Variants in KIAA1217 observed in about 807,000 individuals in gnomAD.
KIAA1217 encodes sickle tail protein homolog.
Under a neutral mutation model 163.9 loss-of-function variants are expected in KIAA1217, and 88 were observed. That is an observed-to-expected ratio of 0.54 (90% CI 0.45 to 0.64). The LOEUF is 0.64. Among genes scored for constraint, KIAA1217 ranks in the 30% least tolerant of loss-of-function variants. KIAA1217 has a pLI of 0.00. For missense variants in KIAA1217, 2,372 were observed against 2,475.0 expected (o/e 0.96, Z 0.88); for synonymous variants, 903 against 923.1 (o/e 0.98, Z 0.39).
In KIAA1217 at chr10:24,414,144, A is replaced by G. The variant is rs115545911; in HGVS notation, c.554-18851A>G. ...CATCAACAGTTCTCTATTCCTAAAG[A>G]ATTTATTTAAGGATCAAGATAATAG... On this transcript the variant is annotated intron_variant, in intron 3 of 20. Transcript: ENST00000376454. 6.4e-3 allele frequency among the ~76,000 whole-genome samples: 978 copies of G among 152,288 alleles called. 10 individuals carry two copies. Among genetic ancestry groups the G allele is most frequent in the African/African-American group, 0.022 (927 of 41,548 alleles).
intron 1 of KIAA1217, among the ~76,000 whole-genome samples, chr10:23,933,426 C>A (rs186033051): frequency 2.0e-4 from 30 of 152,274 alleles, no homozygotes; most frequent in Middle Eastern, 3.4e-3. Flanking sequence ...CCTCTCCAAG[C>A]CTTTATTTCT....
At chr10:24,417,198 A>G (rs1302946139) in intron 3 of KIAA1217, among the ~76,000 whole-genome samples, 1 of 152,096 alleles carries the variant, frequency 6.6e-6, no homozygotes, top group Non-Finnish European at 1.5e-5. Context: ...CCTCTGGGGA[A>G]AAAAATCTGA....
intron 2 of KIAA1217, among the ~76,000 whole-genome samples, chr10:24,321,058 A>T (rs1012772957): frequency 8.9e-6 from 1 of 111,758 alleles, no homozygotes; most frequent in African/African-American, 2.7e-5. Context: ...AAAAAAAAAC[A>T]AAAAAAATGC....
At chr10:23,948,678 G>A (rs546353556) in intron 1 of KIAA1217, among the ~76,000 whole-genome samples, 1 of 152,050 alleles carries the variant, frequency 6.6e-6, no homozygotes, top group Non-Finnish European at 1.5e-5. Flanking sequence ...GTTTGGTTTT[G>A]GTTTTTGCTT....
chr10:23,881,511 C>T (rs1255478731), intron 1 of KIAA1217, among the ~76,000 whole-genome samples: 1 of 151,928 alleles, frequency 6.6e-6, no homozygotes, highest in African/African-American at 2.4e-5. Flanking sequence ...TTTTGTAAAT[C>T]ACTTTAATTG....
At position 23,924,625 on chromosome 10, in the gene KIAA1217, G is replaced by A. The variant is rs566856448; in HGVS notation, c.-320-82600G>A. On this transcript the variant is annotated intron_variant, in intron 1 of 18. Coordinates refer to the KIAA1217 transcript ENST00000376462. ...CAAAGTCAGACAGTAGGACCATAGC[G>A]AGCTGGGACCACACCTTGCTTCCTG... Among the ~76,000 whole-genome samples, 11 of 152,260 alleles carry A rather than the reference G, an allele frequency of 7.2e-5. No homozygotes were observed. In the East Asian group the frequency reaches 2.1e-3, roughly 29 times the overall value.
intron 2 of KIAA1217, chr10:24,158,689 C>T (rs2064988044): frequency 3.9e-6 from 2 of 508,532 alleles, no homozygotes; most frequent in Admixed American, 2.3e-5. Context: ...TGCCATGAGA[C>T]CTCTTGCTAC....
At position 24,473,161 on chromosome 10, in the gene KIAA1217, C is replaced by T. The variant is rs112057849; in HGVS notation, c.847-67C>T. On this transcript the variant is annotated intron_variant, in intron 5 of 20. Coordinates refer to ENST00000376454, the MANE Select transcript of KIAA1217 (RefSeq NM_019590.5). ...TCTTGCAGGGGAAGTCACACGGTTACACACTGAGACTTCTCTTGAAACACG... is the reference window on the plus strand; with the variant it reads ...TCTTGCAGGGGAAGTCACACGGTTATACACTGAGACTTCTCTTGAAACACG... The T allele has an allele frequency of 1.4e-3, 1,512 of 1,110,548 alleles. 19 individuals are homozygous for T. The African/African-American group carries it at 0.021, about 15-fold the overall frequency. 68.8% of individuals were successfully genotyped at this position (1,110,548 alleles called of 1,614,324 possible).
chr10:24,225,036 A>G (rs557990738), intron 2 of KIAA1217, among the ~76,000 whole-genome samples: 6 of 152,124 alleles, frequency 3.9e-5, no homozygotes, highest in African/African-American at 1.2e-4. Flanking sequence ...TGTGTTAGCC[A>G]GGATGGTCTC....
intron 1 of KIAA1217, among the ~76,000 whole-genome samples, chr10:23,957,237 GC>G (rs940817990): frequency 6.6e-6 from 1 of 152,126 alleles, no homozygotes; most frequent in South Asian, 2.1e-4. Flanking sequence ...CCCCACATAT[GC>G]CCCTTCTGGC....
chr10:23,883,308 T>A (rs963475760), intron 1 of KIAA1217, among the ~76,000 whole-genome samples: 8 of 151,920 alleles, frequency 5.3e-5, no homozygotes, highest in African/African-American at 1.9e-4. Context: ...TCTCTCAGAT[T>A]CTAGCTTTCA....
rs117571681 is a variant in KIAA1217, at chr10:24,240,813, A to G, written c.354+20904A>G. Among the ~76,000 whole-genome samples the G allele has an allele frequency of 2.8e-4, 42 of 152,104 alleles. No homozygotes were observed. In the East Asian group the frequency reaches 5.6e-3, roughly 20 times the overall value. On this transcript the variant is annotated intron_variant, in intron 2 of 20. Transcript: ENST00000376454. ...GTTTTTATATTCTTTACTTCCTCTT[A>G]TCATTACAAGTAATGACTAGCAGTC...
chr10:23,930,839 C>A (rs1304063059), intron 1 of KIAA1217, among the ~76,000 whole-genome samples: 1 of 152,126 alleles, frequency 6.6e-6, no homozygotes, highest in Non-Finnish European at 1.5e-5. Flanking sequence ...AATCATGTGA[C>A]CTTGTTGTAT....
At chr10:24,133,825 A>G (rs922264702) in intron 2 of KIAA1217, among the ~76,000 whole-genome samples, 2 of 152,200 alleles carry the variant, frequency 1.3e-5, no homozygotes, top group Non-Finnish European at 2.9e-5. Flanking sequence ...CATCCATCCT[A>G]ATTTCTGAAA....
At chr10:24,086,592 A>G (rs1480876482) in intron 2 of KIAA1217, among the ~76,000 whole-genome samples, 1 of 152,172 alleles carries the variant, frequency 6.6e-6, no homozygotes, top group East Asian at 1.9e-4. Context: ...TTTCTGGCTA[A>G]TGTTCCATAA....
intron 5 of KIAA1217, among the ~76,000 whole-genome samples, chr10:24,453,507 A>G (rs1256470514): frequency 6.6e-6 from 1 of 152,242 alleles, no homozygotes; most frequent in Non-Finnish European, 1.5e-5. Context: ...AGAATAGGCC[A>G]TCATGTCAAC....
chr10:24,384,193 G>T (rs1013885265), intron 3 of KIAA1217, among the ~76,000 whole-genome samples: 4 of 152,172 alleles, frequency 2.6e-5, no homozygotes, highest in African/African-American at 9.7e-5. Context: ...TCTGTATGTT[G>T]TCACTTTATC....
intron 13 of KIAA1217, 56 bp downstream of exon 13, chr10:24,524,820 T>C: frequency 7.1e-7 from 1 of 1,415,058 alleles, no homozygotes; most frequent in Non-Finnish European, 9.6e-7. Flanking sequence ...TACATGGACC[T>C]TTCCCTTAAA....
At chr10:24,317,052 TA>T (rs1185040753) in intron 2 of KIAA1217, among the ~76,000 whole-genome samples, 2 of 152,150 alleles carry the variant, frequency 1.3e-5, no homozygotes, top group Non-Finnish European at 2.9e-5. Context: ...GCTAGAATTA[TA>T]AATTATTATA....
Sources: allele counts gnomAD v4.1 joint callset (sites outside exome capture counted in the v4.1 genomes callset), GRCh38; gene constraint gnomAD v4.1.1; transcripts MANE v1.5; gene names NCBI Gene and HGNC (gene_info 2026-07-23, HGNC 2026-07-21).